FAM78B: variants seen among roughly 807,000 people sequenced by gnomAD.
FAM78B encodes protein FAM78B.
Under a neutral mutation model 20.0 loss-of-function variants are expected in FAM78B, and 10 were observed. That is an observed-to-expected ratio of 0.50 (90% CI 0.31 to 0.85). The LOEUF is 0.85. Ranked by LOEUF, FAM78B falls within the 40% of genes least tolerant of loss-of-function variation. FAM78B has a pLI of 0.05. For synonymous variants in FAM78B, 135 were observed against 132.8 expected, an observed-to-expected ratio of 1.02 and a Z score of -0.12; for missense variants, 283 against 345.0, an observed-to-expected ratio of 0.82 and a Z score of 1.42.
At chr1:166,113,009 T>G (rs1221970023) in intron 1 of FAM78B, among the ~76,000 whole-genome samples, 1 of 152,256 alleles carries the variant, frequency 6.6e-6, no homozygotes, top group African/African-American at 2.4e-5. Flanking sequence ...TTAAAAAATC[T>G]GTTTTCTAAT....
At chr1:166,162,010 C>T (rs559974353) in intron 1 of FAM78B, among the ~76,000 whole-genome samples, 11 of 152,238 alleles carry the variant, frequency 7.2e-5, no homozygotes, top group African/African-American at 2.4e-4. Context: ...GTCCCATTAA[C>T]TGTACTTTGA....
chr1:166,158,789 C>T (rs1160416597), intron 1 of FAM78B, among the ~76,000 whole-genome samples: 1 of 152,248 alleles, frequency 6.6e-6, no homozygotes, highest in East Asian at 1.9e-4. Flanking sequence ...GGCAGTTCTG[C>T]TGCTGGTGTG....
intron 1 of FAM78B, among the ~76,000 whole-genome samples, chr1:166,113,651 C>T (rs193052297): frequency 2.1e-4 from 32 of 152,348 alleles, no homozygotes; most frequent in African/African-American, 6.3e-4. Context: ...CCACACCTGC[C>T]ACCCTTCTGC....
chr1:166,078,815 C>T (rs528000016), intron 1 of FAM78B, among the ~76,000 whole-genome samples: 3 of 152,106 alleles, frequency 2.0e-5, no homozygotes, highest in East Asian at 1.9e-4. Flanking sequence ...GGGGGAACCA[C>T]ACATGGAGGA....
intron 1 of FAM78B, among the ~76,000 whole-genome samples, chr1:166,121,336 A>C (rs1181387869): frequency 2.0e-5 from 3 of 151,932 alleles, no homozygotes; most frequent in Non-Finnish European, 2.9e-5. Flanking sequence ...CACCTCGGTC[A>C]CTCTTGGACC....
downstream of FAM78B, among the ~76,000 whole-genome samples, chr1:166,067,178 G>C (rs192051689): frequency 6.6e-6 from 1 of 152,200 alleles, no homozygotes; most frequent in African/African-American, 2.4e-5. Flanking sequence ...TTCTAGCTAA[G>C]TGTTACCATG....
At chr1:166,136,330 TCA>T (rs1180246259) in intron 1 of FAM78B, among the ~76,000 whole-genome samples, 1 of 152,160 alleles carries the variant, frequency 6.6e-6, no homozygotes, top group Non-Finnish European at 1.5e-5. Flanking sequence ...ACACTAATCT[TCA>T]CAGAGCCTGG....
chr1:166,152,474 C>A (rs1315337212), intron 1 of FAM78B, among the ~76,000 whole-genome samples: 2 of 152,040 alleles, frequency 1.3e-5, no homozygotes, highest in Admixed American at 6.6e-5. Context: ...GATATCCAGG[C>A]CTTTAAGATG....
chr1:166,166,381 G>A lies in FAM78B; in HGVS notation c.-133C>T. On this transcript the variant is annotated 5_prime_UTR_variant, in exon 1 of 2. Coordinates refer to ENST00000354422, the MANE Select transcript of FAM78B (RefSeq NM_001017961.5). ...TCAGACTCAGCTCGCACCTAGGAGC[G>A]GGGAGCCGCCGGGCATCCTTGGGGA... 1.2e-6 allele frequency: 1 copy of A among 831,706 alleles called. No homozygotes were observed. The highest frequency in any genetic ancestry group is 1.5e-6 in the Non-Finnish European group (1 of 680,580). 51.5% of individuals were successfully genotyped at this position (831,706 alleles called of 1,614,324 possible).
At chr1:166,115,970 C>A (rs1654238034) in intron 1 of FAM78B, among the ~76,000 whole-genome samples, 1 of 152,230 alleles carries the variant, frequency 6.6e-6, no homozygotes, top group Non-Finnish European at 1.5e-5. Flanking sequence ...ATGTAAAATA[C>A]TCCTACTATC....
chr1:166,062,006 C>T (rs185140599), intron 2 of FAM78B, among the ~76,000 whole-genome samples: 2 of 152,240 alleles, frequency 1.3e-5, no homozygotes, highest in East Asian at 3.9e-4. Context: ...ATTTATTATA[C>T]AATAAGGGTG....
intron 1 of FAM78B, among the ~76,000 whole-genome samples, chr1:166,122,513 A>G (rs1004980907): frequency 1.3e-5 from 2 of 152,356 alleles, no homozygotes; most frequent in East Asian, 3.9e-4. Flanking sequence ...AAGCCAACTC[A>G]TATCTCAGAT....
intron 1 of FAM78B, among the ~76,000 whole-genome samples, chr1:166,123,360 A>C (rs972268539): frequency 1.3e-5 from 2 of 152,196 alleles, no homozygotes; most frequent in African/African-American, 4.8e-5. Flanking sequence ...GGTGTTTCTC[A>C]GGTCAACCCC....
At chr1:166,063,187 C>A (rs1003912921) in intron 2 of FAM78B, among the ~76,000 whole-genome samples, 1 of 152,248 alleles carries the variant, frequency 6.6e-6, no homozygotes, top group African/African-American at 2.4e-5. Context: ...GCTCCCAAAA[C>A]TTCCTGTTGG....
At position 166,165,944 on chromosome 1, in the gene FAM78B, GGGCCCAGAGTCCGCTCCCGTGCCGCGC is replaced by G; in HGVS notation, c.263+15_263+41del. 2 of 1,612,114 alleles carry G rather than the reference GGGCCCAGAGTCCGCTCCCGTGCCGCGC, an allele frequency of 1.2e-6. No homozygotes were observed. Among genetic ancestry groups the G allele is most frequent in the South Asian group, 1.1e-5 (1 of 90,902 alleles). ...GGGTCAAGGTGGCAAGCAGAGCTGG[GGGCCCAGAGTCCGCTCCCGTGCCGCGC>G]GGCGAGTCGCTTACATGCCCAGGTC... On this transcript the variant is annotated intron_variant, in intron 1 of 1. Coordinates refer to ENST00000354422, the MANE Select transcript of FAM78B (RefSeq NM_001017961.5).
At chr1:166,136,526 T>C (rs888112174) in intron 1 of FAM78B, among the ~76,000 whole-genome samples, 3 of 152,200 alleles carry the variant, frequency 2.0e-5, no homozygotes, top group Non-Finnish European at 4.4e-5. Flanking sequence ...AGTGTTATTA[T>C]GAACCAGGAC....
At chr1:166,115,059 A>T (rs7513325) in intron 1 of FAM78B, among the ~76,000 whole-genome samples, 53 of 152,072 alleles carry the variant, frequency 3.5e-4, no homozygotes, top group African/African-American at 1.2e-3. Context: ...ATGTGACAGA[A>T]AACACCTTTG....
At chr1:166,090,735 G>T (rs1009281003) in intron 1 of FAM78B, among the ~76,000 whole-genome samples, 4 of 152,214 alleles carry the variant, frequency 2.6e-5, no homozygotes, top group African/African-American at 9.7e-5. Flanking sequence ...AATTAGAGCA[G>T]ATCACTTCAA....
chr1:166,073,536 CT>C lies in FAM78B; in HGVS notation c.264-2774del, dbSNP rs201582992. Among the ~76,000 whole-genome samples, 1,347 of 135,682 alleles carry C rather than the reference CT, an allele frequency of 9.9e-3. 8 individuals carry two copies. Among genetic ancestry groups the C allele is most frequent in the African/African-American group, 0.022 (814 of 36,574 alleles). 89.0% of individuals were successfully genotyped at this position (135,682 alleles called of 152,430 possible). A position where few individuals can be genotyped will look rare whatever the true frequency, so the allele number is the denominator to read the frequency against. ...TCGCTCCCTTCCTTTCTCTTTCTCT[CT>C]TTTTTTTTTTTTTTCCAAAAGGAGA... On this transcript the variant is annotated intron_variant, in intron 1 of 1. Transcript: ENST00000354422.
Sources: allele counts gnomAD v4.1 joint callset (sites outside exome capture counted in the v4.1 genomes callset), GRCh38; gene constraint gnomAD v4.1.1; transcripts MANE v1.5; gene names NCBI Gene and HGNC (gene_info 2026-07-23, HGNC 2026-07-21).